Variants in TRIM66 observed in about 807,000 individuals in gnomAD.
The protein encoded by TRIM66 is tripartite motif-containing protein 66.
TRIM66 carries 99 observed loss-of-function variants against 148.2 expected under a neutral mutation model. The observed-to-expected ratio is 0.67, with a 90% CI of 0.57 to 0.79. The LOEUF is 0.79. TRIM66 is among the 30% of genes least tolerant of loss of function. The pLI, the probability that TRIM66 is intolerant of heterozygous loss-of-function variation, is 0.00. For synonymous variants in TRIM66, 616 were observed against 635.9 expected, an observed-to-expected ratio of 0.97 and a Z score of 0.47; for missense variants, 1,666 against 1,697.9, an observed-to-expected ratio of 0.98 and a Z score of 0.33.
intron 1 of TRIM66, among the ~76,000 whole-genome samples, chr11:8,681,259 G>C (rs983997089): frequency 6.6e-6 from 1 of 151,430 alleles, no homozygotes; most frequent in Non-Finnish European, 1.5e-5. Context: ...TCAGCCTCCC[G>C]AGTAGCTGGG....
chr11:8,656,992 G>T (rs1035095530), intron 6 of TRIM66, among the ~76,000 whole-genome samples: 8 of 152,222 alleles, frequency 5.3e-5, no homozygotes, highest in Non-Finnish European at 1.0e-4. Flanking sequence ...CTAGAGTGCA[G>T]CCTGAGGTTT....
At chr11:8,680,708 G>A (rs145230911) in intron 1 of TRIM66, 56 of 152,306 alleles carry the variant, frequency 3.7e-4, no homozygotes, top group African/African-American at 1.3e-3. Flanking sequence ...TGACCATATG[G>A]GTGTGGAGCT....
Position 8,672,276 on chromosome 11 carries a change from T to C in TRIM66, c.-2A>G, listed in dbSNP as rs1156373157. 10 of 1,536,038 alleles carry C rather than the reference T, an allele frequency of 6.5e-6. No homozygotes were observed. The East Asian group carries it at 2.4e-4, about 38-fold the overall frequency. ...GGACCAAAAAGAGAGTCTAGCCATC[T>C]CTGCCGTGGAAAACAAAGCGTGGAG... On this transcript the variant is annotated 5_prime_UTR_variant, in exon 5 of 25. Coordinates refer to ENST00000646038, the MANE Select transcript of TRIM66 (RefSeq NM_001388022.1).
rs905940559 is a variant in TRIM66 at position 8,617,445 on chromosome 11, G to C, written c.*499C>G. On this transcript the variant is annotated 3_prime_UTR_variant, in exon 25 of 25. Coordinates refer to ENST00000646038, the MANE Select transcript of TRIM66 (RefSeq NM_001388022.1). ...ATGGCAGGTGCCTCTATCCAGACAG[G>C]ACAAGCAAAGGCAAACAGTGACAGT... 1 of 156,184 alleles carries C rather than the reference G, an allele frequency of 6.4e-6. No homozygotes were observed. The highest frequency in any genetic ancestry group is 2.4e-5 in the African/African-American group (1 of 41,524). The allele number at this position is 156,184 out of a possible 1,614,324, so 9.7% of individuals were successfully genotyped here. A position where few individuals can be genotyped will look rare whatever the true frequency, so the allele number is the denominator to read the frequency against.
chr11:8,676,931 A>C (rs2039205694), intron 3 of TRIM66, among the ~76,000 whole-genome samples: 1 of 152,202 alleles, frequency 6.6e-6, no homozygotes, highest in Admixed American at 6.5e-5. Flanking sequence ...AACCCAGGAA[A>C]TTATTTTTAT....
intron 15 of TRIM66, among the ~76,000 whole-genome samples, chr11:8,635,453 A>C (rs2035792668): frequency 6.6e-6 from 1 of 152,122 alleles, no homozygotes; most frequent in East Asian, 1.9e-4. Context: ...GCCCAACCCC[A>C]GCTCCAAGGC....
rs926347599 is a variant in TRIM66 at position 8,676,025 on chromosome 11, G to A, written c.-189-1142C>T. Among the ~76,000 whole-genome samples, 7 of 152,174 alleles carry A rather than the reference G, an allele frequency of 4.6e-5. No homozygotes were observed. The East Asian group carries it at 9.7e-4, about 21-fold the overall frequency. On this transcript the variant is annotated intron_variant, in intron 3 of 24. Transcript: ENST00000646038. ...GATTACAGGCGTGAGCCACCACATC[G>A]TCCATTATGTTTCATTTTTTAAAAG...
chr11:8,640,944 G>A lies in TRIM66; in HGVS notation c.1431C>T (p.Leu477=). 1 of 1,551,158 alleles carries A rather than the reference G, an allele frequency of 6.4e-7. No homozygotes were observed. The highest frequency in any genetic ancestry group is 8.7e-7 in the Non-Finnish European group (1 of 1,146,974). Residue 477 remains leucine (L), a synonymous_variant, in exon 14 of 25, where the codon CTC becomes CTT. Coordinates refer to ENST00000646038, the MANE Select transcript of TRIM66 (RefSeq NM_001388022.1). ...TGCTGGGTGGGGGGACCTGGCCTTT[G>A]AGGGAAGGCGAGACTGGGGAGCAGT... ...CSHCSPVSPS[L]KGQVPPPSIH...
intron 1 of TRIM66, among the ~76,000 whole-genome samples, chr11:8,680,400 C>T (rs1187643544): frequency 6.6e-6 from 1 of 152,074 alleles, no homozygotes; most frequent in East Asian, 1.9e-4. Flanking sequence ...GCAGAGTGAA[C>T]AAAGGAAGGT....
Position 8,613,712 on chromosome 11 carries a change from A to G in TRIM66, c.*4232T>C, listed in dbSNP as rs2033544274. On this transcript the variant is annotated 3_prime_UTR_variant, in exon 25 of 25. Transcript: ENST00000646038. ...ACATACAACAGGATTCAAGATATAGAGAATTAAATAGGAGCAAGAATGGAG... is the reference window on the plus strand; with the variant it reads ...ACATACAACAGGATTCAAGATATAGGGAATTAAATAGGAGCAAGAATGGAG... 6.6e-6 allele frequency: 1 copy of G among 152,180 alleles called. No homozygotes were observed. Among genetic ancestry groups the G allele is most frequent in the East Asian group, 1.9e-4 (1 of 5,184 alleles). The allele number at this position is 152,180 out of a possible 1,614,324, so 9.4% of individuals were successfully genotyped here. A position where few individuals can be genotyped will look rare whatever the true frequency, so the allele number is the denominator to read the frequency against.
chr11:8,682,784 A>G (rs1565589150), upstream of TRIM66: 3 of 1,613,570 alleles, frequency 1.9e-6, no homozygotes, highest in Non-Finnish European at 2.5e-6. Flanking sequence ...GACTTGGCGA[A>G]GGCCTTCCTT....
rs534282416 is a variant in TRIM66, at chr11:8,614,350, A to AAAATAAAT, written c.*3586_*3593dup. On this transcript the variant is annotated 3_prime_UTR_variant, in exon 25 of 25. Transcript: ENST00000646038. ...TGAGACTCTCTCTCTCAAAAAATAA[A>AAAATAAAT]AAATAAATAAATAAATAAATAAATA... The AAAATAAAT allele has an allele frequency of 1.3e-5, 2 of 151,038 alleles. No individual in the cohort carries two copies. The highest frequency in any genetic ancestry group is 2.9e-5 in the Non-Finnish European group (2 of 67,920). 9.4% of individuals were successfully genotyped at this position (151,038 alleles called of 1,614,324 possible).
At position 8,640,341 on chromosome 11, in the gene TRIM66, T is replaced by C. The variant is rs781299875; in HGVS notation, c.2034A>G (p.Gln678=). 3.5e-5 allele frequency: 55 copies of C among 1,551,668 alleles called. No individual in the cohort carries two copies. Among genetic ancestry groups the C allele is most frequent in the South Asian group, 1.3e-4 (11 of 84,058 alleles). Reference sequence around the variant, plus strand: ...GCTGAGGAGATTTGGTCTGACTCAGTTGCAGGCTGGGCTGTTGAGCCTGGA... The same window carrying C: ...GCTGAGGAGATTTGGTCTGACTCAGCTGCAGGCTGGGCTGTTGAGCCTGGA... ...LLLQAQQPSL[Q]LSQTKSPQHL... The change falls in exon 14 of 25, where the codon CAA becomes CAG. Residue 678 remains glutamine, a synonymous_variant. Transcript: ENST00000646038.
At position 8,640,543 on chromosome 11, in the gene TRIM66, T is replaced by TG; in HGVS notation, c.1831dup (p.His611ProfsTer26). On this transcript the variant is annotated frameshift_variant, in exon 14 of 25. Coordinates refer to ENST00000646038, the MANE Select transcript of TRIM66 (RefSeq NM_001388022.1). LOFTEE classifies it high-confidence loss of function. Reference sequence around the variant, plus strand: ...GGGAGGGGGAAGGGGAGGTGGGGGATGGGGGAGGGGTGGTGGTGGAGGTGG... The same window carrying TG: ...GGGAGGGGGAAGGGGAGGTGGGGGATGGGGGGAGGGGTGGTGGTGGAGGTGG... 2 of 1,483,058 alleles carry TG rather than the reference T, an allele frequency of 1.3e-6. No individual in the cohort carries two copies. The highest frequency in any genetic ancestry group is 1.8e-6 in the Non-Finnish European group (2 of 1,117,752). The allele number at this position is 1,483,058 out of a possible 1,614,324, so 91.9% of individuals were successfully genotyped here.
At chr11:8,673,002 C>T (rs1313674149) in intron 4 of TRIM66, among the ~76,000 whole-genome samples, 1 of 145,782 alleles carries the variant, frequency 6.9e-6, no homozygotes, top group African/African-American at 2.6e-5. Flanking sequence ...TGCAGTGGCG[C>T]GATCTCTGCT....
intron 6 of TRIM66, among the ~76,000 whole-genome samples, chr11:8,656,097 TCACA>T (rs2037806774): frequency 6.6e-6 from 1 of 152,206 alleles, no homozygotes; most frequent in Non-Finnish European, 1.5e-5. Flanking sequence ...TTCTCTTCCC[TCACA>T]AAGTCCCTAA....
At chr11:8,671,064 C>T (rs2038904023) in intron 6 of TRIM66, among the ~76,000 whole-genome samples, 1 of 152,178 alleles carries the variant, frequency 6.6e-6, no homozygotes, top group Non-Finnish European at 1.5e-5. Flanking sequence ...CCATTTTTAA[C>T]CAGTGCTATA....
At position 8,612,389 on chromosome 11, in the gene TRIM66, T is replaced by C. The variant is rs961882361; in HGVS notation, c.*5555A>G. The C allele has an allele frequency of 1.3e-5, 2 of 152,102 alleles. No homozygotes were observed. Among genetic ancestry groups the C allele is most frequent in the Admixed American group, 1.3e-4 (2 of 15,264 alleles). 9.4% of individuals were successfully genotyped at this position (152,102 alleles called of 1,614,324 possible). ...TGTGGCCTGATCTTGAGAGTTAAAA[T>C]CATAATTAACATCTTTACAGCTGGA... On this transcript the variant is annotated 3_prime_UTR_variant, in exon 25 of 25. Coordinates refer to ENST00000646038, the MANE Select transcript of TRIM66 (RefSeq NM_001388022.1).
intron 7 of TRIM66, among the ~76,000 whole-genome samples, chr11:8,650,513 G>A (rs2037267659): frequency 6.6e-6 from 1 of 151,932 alleles, no homozygotes; most frequent in Non-Finnish European, 1.5e-5. Context: ...GGGAGGAGGA[G>A]GAGGAGCAGC....
Sources: allele counts gnomAD v4.1 joint callset (sites outside exome capture counted in the v4.1 genomes callset), GRCh38; gene constraint gnomAD v4.1.1; transcripts MANE v1.5; gene names NCBI Gene and HGNC (gene_info 2026-07-23, HGNC 2026-07-21).